The following ARID1B variants were observed in gnomAD, a reference collection of about 807,000 sequenced individuals.
ARID1B encodes the protein AT-rich interaction domain 1B.
Under a neutral mutation model 212.3 loss-of-function variants are expected in ARID1B, and 30 were observed. The ratio of observed to expected loss-of-function variants is 0.14; its 90% CI spans 0.11 to 0.19. ARID1B has a LOEUF of 0.19. ARID1B is among the 10% of genes least tolerant of loss of function. The pLI, the probability that ARID1B is intolerant of heterozygous loss-of-function variation, is 1.00. For missense variants in ARID1B, 2,891 were observed against 3,204.0 expected (o/e 0.90, Z 2.36); for synonymous variants, 1,402 against 1,301.7 (o/e 1.08, Z -1.66).
chr6:157,064,754 C>T (rs577427418), intron 4 of ARID1B, among the ~76,000 whole-genome samples: 9 of 152,266 alleles, frequency 5.9e-5, no homozygotes, highest in African/African-American at 2.2e-4. Flanking sequence ...AGCTTCTAAC[C>T]CCAGGCTCCG....
At chr6:157,082,085 A>C (rs1784668365) in intron 4 of ARID1B, among the ~76,000 whole-genome samples, 1 of 152,140 alleles carries the variant, frequency 6.6e-6, no homozygotes, top group African/African-American at 2.4e-5. Context: ...TCCCTTCAAA[A>C]AGAGTAAGAT....
chr6:157,174,381 G>A (rs544261054), intron 10 of ARID1B: 4 of 337,300 alleles, frequency 1.2e-5, no homozygotes, highest in South Asian at 1.3e-4. Context: ...AAAATGCTTC[G>A]GGGTGGGGAG....
intron 8 of ARID1B, among the ~76,000 whole-genome samples, chr6:157,159,666 C>T (rs1379284034): frequency 6.6e-6 from 1 of 152,170 alleles, no homozygotes; most frequent in African/African-American, 2.4e-5. Flanking sequence ...TTCCTCAGTG[C>T]TTAGCAAGAA....
intron 1 of ARID1B, among the ~76,000 whole-genome samples, chr6:156,794,732 C>A (rs1038062482): frequency 2.6e-5 from 4 of 150,960 alleles, no homozygotes; most frequent in African/African-American, 9.8e-5. Flanking sequence ...CACGCACCAC[C>A]ACACCTGGCT....
At chr6:156,937,600 C>A (rs1448459695) in intron 4 of ARID1B, 1 of 152,200 alleles carries the variant, frequency 6.6e-6, no homozygotes, top group Non-Finnish European at 1.5e-5. Context: ...GCTAACTCTA[C>A]AGTGTTATTA....
At chr6:156,947,583 G>A (rs1263067481) in intron 4 of ARID1B, among the ~76,000 whole-genome samples, 3 of 150,178 alleles carry the variant, frequency 2.0e-5, no homozygotes, top group East Asian at 1.9e-4. Context: ...TTGGATCCTA[G>A]CAGAGGAAAT....
intron 4 of ARID1B, among the ~76,000 whole-genome samples, chr6:157,026,808 G>T (rs189765842): frequency 6.6e-6 from 1 of 152,230 alleles, no homozygotes; most frequent in Admixed American, 6.5e-5. Context: ...GTGCCACTGC[G>T]CCTGGCTATT....
chr6:156,804,883 AAAAAAAG>A, intron 1 of ARID1B, among the ~76,000 whole-genome samples: 1 of 151,482 alleles, frequency 6.6e-6, no homozygotes, highest in African/African-American at 2.4e-5. Flanking sequence ...AAAAAAAAAA[AAAAAAAG>A]AAATTGGCCC....
At chr6:157,176,139 G>C in intron 11 of ARID1B, among the ~76,000 whole-genome samples, 1 of 152,194 alleles carries the variant, frequency 6.6e-6, no homozygotes, top group East Asian at 1.9e-4. Flanking sequence ...AGGATAACCA[G>C]CATTTTCCCT....
At chr6:156,853,410 A>G (rs189409708) in intron 2 of ARID1B, among the ~76,000 whole-genome samples, 2 of 152,322 alleles carry the variant, frequency 1.3e-5, no homozygotes, top group East Asian at 3.9e-4. Context: ...TAGGGTGGTC[A>G]GTTTGAGGCC....
intron 4 of ARID1B, chr6:156,940,036 A>G (rs1310276034): frequency 6.6e-6 from 1 of 152,220 alleles, no homozygotes; most frequent in Non-Finnish European, 1.5e-5. Flanking sequence ...AGAGTTGTTA[A>G]TATTCCTCAG....
At chr6:157,110,716 T>C in intron 6 of ARID1B, 155 bp downstream of exon 6, 3 of 743,294 alleles carry the variant, frequency 4.0e-6, no homozygotes, top group Non-Finnish European at 6.7e-6. Flanking sequence ...TTCCAACAAA[T>C]ATGGAGAGGA....
chr6:157,076,655 G>C (rs1465286073), intron 4 of ARID1B, among the ~76,000 whole-genome samples: 1 of 151,936 alleles, frequency 6.6e-6, no homozygotes, highest in Non-Finnish European at 1.5e-5. Context: ...GGAAGTGGTG[G>C]TATTGATGGC....
chr6:156,861,947 G>A (rs1356285076), intron 2 of ARID1B, among the ~76,000 whole-genome samples: 2 of 152,210 alleles, frequency 1.3e-5, no homozygotes, highest in Non-Finnish European at 2.9e-5. Context: ...TGAGTTTGAA[G>A]TCAGGCAAAG....
chr6:157,196,208 C>T lies in ARID1B; in HGVS notation c.4275C>T (p.Pro1425=), dbSNP rs2128356440. The T allele has an allele frequency of 1.9e-6, 3 of 1,613,586 alleles. No homozygotes were observed. The highest frequency in any genetic ancestry group is 1.7e-4 in the Middle Eastern group (1 of 6,058). The change falls in exon 16 of 20, where the codon CCC becomes CCT. Residue 1425 remains proline, a synonymous_variant. Transcript: ENST00000636930. ...SEPFMTQGQM[P]NSSMQDMYNQ... ...CCTTTATGACGCAAGGACAGATGCC[C>T]AACAGCAGCATGCAGGACATGTACA...
chr6:156,960,231 T>A (rs1233450151), intron 4 of ARID1B, among the ~76,000 whole-genome samples: 1 of 152,072 alleles, frequency 6.6e-6, no homozygotes, highest in Admixed American at 6.5e-5. Flanking sequence ...GCCTGGCCAC[T>A]TGTCCCCTTC....
intron 3 of ARID1B, among the ~76,000 whole-genome samples, chr6:156,919,163 G>T (rs1415115156): frequency 6.6e-6 from 1 of 152,160 alleles, no homozygotes. Flanking sequence ...AACTATGTCT[G>T]CCTGGGCCTT....
intron 2 of ARID1B, among the ~76,000 whole-genome samples, chr6:156,855,461 TTG>T (rs1352582657): frequency 6.6e-6 from 1 of 152,218 alleles, no homozygotes; most frequent in African/African-American, 2.4e-5. Context: ...CCCGTCCACT[TTG>T]TGTGTTTCAC....
At chr6:156,829,590 G>C in intron 2 of ARID1B, 169 bp downstream of exon 2, 1 of 789,332 alleles carries the variant, frequency 1.3e-6, no homozygotes, top group Non-Finnish European at 1.9e-6. Context: ...TTCTTTTAAA[G>C]ATGGAAAGGT....
Sources: allele counts gnomAD v4.1 joint callset (sites outside exome capture counted in the v4.1 genomes callset), GRCh38; gene constraint gnomAD v4.1.1; transcripts MANE v1.5; gene names NCBI Gene and HGNC (gene_info 2026-07-23, HGNC 2026-07-21).